PRKN: variants seen among roughly 807,000 people sequenced by gnomAD.
PRKN encodes the protein E3 ubiquitin-protein ligase parkin.
In PRKN, 56 loss-of-function variants were observed where a neutral mutation model predicts 59.5. The observed-to-expected ratio is 0.94, with a 90% confidence interval of 0.76 to 1.18. The LOEUF (loss-of-function observed/expected upper bound fraction) is 1.18, where lower values mean the gene tolerates loss of function less well. Among genes scored for constraint, PRKN ranks in the 50% most tolerant of loss-of-function variants. The pLI, the probability that PRKN is intolerant of heterozygous loss-of-function variation, is 0.00. For missense variants in PRKN, 657 were observed against 596.4 expected (o/e 1.10, Z -1.06); for synonymous variants, 250 against 222.1 (o/e 1.13, Z -1.12).
At chr6:162,426,536 T>C (rs1562756346) in intron 2 of PRKN, among the ~76,000 whole-genome samples, 1 of 152,234 alleles carries the variant, frequency 6.6e-6, no homozygotes. Context: ...CTACAACCTC[T>C]GCCTCCTGGG....
chr6:161,396,440 T>C lies in PRKN; in HGVS notation c.1084-9563A>G, dbSNP rs1786763146. The stretch of plus-strand genomic sequence containing the variant: ...GCATTTCTCAGACCTTATGGAGCAG[T>C]TGGCTCCTTCTAGAACTGGAGCACT... On this transcript the variant is annotated intron_variant, in intron 9 of 11. Coordinates refer to ENST00000366898, the MANE Select transcript of PRKN (RefSeq NM_004562.3). This position sits in a 1 kb window ranked among gnomAD's most constrained non-coding sequence, Gnocchi z 5.4. Among the ~76,000 whole-genome samples, 1 of 152,190 alleles carries C rather than the reference T, an allele frequency of 6.6e-6. No homozygotes were observed. Among genetic ancestry groups the C allele is most frequent in the South Asian group, 2.1e-4 (1 of 4,836 alleles).
chr6:161,948,032 C>G (rs143499806), intron 6 of PRKN, among the ~76,000 whole-genome samples: 44 of 152,186 alleles, frequency 2.9e-4, no homozygotes, highest in Non-Finnish European at 4.4e-4. Context: ...GTTGCCCAGG[C>G]TGGAGTGCAA....
At chr6:162,093,303 C>T (rs750557405) in intron 4 of PRKN, among the ~76,000 whole-genome samples, 9 of 152,172 alleles carry the variant, frequency 5.9e-5, no homozygotes, top group Non-Finnish European at 1.3e-4. Context: ...TTATTAGCTG[C>T]ACTTCCTCTT....
rs746375717 is a variant in PRKN at position 162,443,294 on chromosome 6, G to A, written c.171+16C>T. 4.5e-5 allele frequency: 72 copies of A among 1,611,840 alleles called. No homozygotes were observed. The highest frequency in any genetic ancestry group is 2.2e-4 in the Middle Eastern group (1 of 4,476). The stretch of plus-strand genomic sequence containing the variant: ...AGCTGGCGGCATCCCAAGAACGGCC[G>A]CCAAGGGAGACTCACCTGCACAGTC... On this transcript the variant is annotated intron_variant, in intron 2 of 11. Coordinates refer to ENST00000366898, the MANE Select transcript of PRKN (RefSeq NM_004562.3).
In PRKN at chr6:162,727,712, G is replaced by A. The variant is rs770057490; in HGVS notation, c.-44C>T. 2.6e-6 allele frequency: 4 copies of A among 1,551,114 alleles called. No homozygotes were observed. Among genetic ancestry groups the A allele is most frequent in the South Asian group, 1.2e-5 (1 of 84,342 alleles). On this transcript the variant is annotated 5_prime_UTR_variant, in exon 1 of 12. Coordinates refer to ENST00000366898, the MANE Select transcript of PRKN (RefSeq NM_004562.3). ...GGCTGCGGGCCAGGAACAGGCCCAT[G>A]CGCGCAGCGGCGCCAGCCGCGCCTC...
intron 9 of PRKN, among the ~76,000 whole-genome samples, chr6:161,520,856 G>A (rs936547947): frequency 2.0e-5 from 3 of 152,116 alleles, no homozygotes; most frequent in African/African-American, 4.8e-5. Flanking sequence ...AAGAAACTCC[G>A]CATAGTCATC....
chr6:162,323,492 C>T (rs891351483), intron 2 of PRKN, among the ~76,000 whole-genome samples: 7 of 151,626 alleles, frequency 4.6e-5, no homozygotes, highest in Non-Finnish European at 1.0e-4. Context: ...TCTTGCAAAT[C>T]ACATATTTGA....
chr6:161,478,634 C>T (rs1791240837), intron 9 of PRKN, among the ~76,000 whole-genome samples: 1 of 152,096 alleles, frequency 6.6e-6, no homozygotes, highest in Non-Finnish European at 1.5e-5. Context: ...CATGTGAGTC[C>T]AGGGGTTTGA....
At chr6:162,449,592 ATT>A (rs1286207186) in intron 1 of PRKN, among the ~76,000 whole-genome samples, 1 of 151,438 alleles carries the variant, frequency 6.6e-6, no homozygotes, top group Non-Finnish European at 1.5e-5. Context: ...ATTTATTTTT[ATT>A]TTTATAACTA....
At chr6:161,923,823 C>T (rs558186146) in intron 6 of PRKN, among the ~76,000 whole-genome samples, 1 of 152,098 alleles carries the variant, frequency 6.6e-6, no homozygotes, top group Non-Finnish European at 1.5e-5. Flanking sequence ...ATGGAACTTG[C>T]GAGACCCTTC....
rs141822211 is a variant in PRKN at position 162,656,107 on chromosome 6, G to A, written c.7+71555C>T. 2.2e-3 allele frequency among the ~76,000 whole-genome samples: 331 copies of A among 152,232 alleles called. 2 individuals are homozygous for A. The highest frequency in any genetic ancestry group is 7.6e-3 in the African/African-American group (317 of 41,538). On this transcript the variant is annotated intron_variant, in intron 1 of 11. Coordinates refer to ENST00000366898, the MANE Select transcript of PRKN (RefSeq NM_004562.3). ...TTCAAGGACTAAATGGCACAAAGTA[G>A]AGCGTACATTTACAACAGTACCAAG...
chr6:161,982,838 G>C (rs1295723503), intron 5 of PRKN, among the ~76,000 whole-genome samples: 1 of 69,874 alleles, frequency 1.4e-5, no homozygotes, highest in Non-Finnish European at 2.6e-5. Context: ...TCAGGACATA[G>C]GCGTGGGCAA....
At chr6:162,093,348 C>T (rs1424520948) in intron 4 of PRKN, among the ~76,000 whole-genome samples, 1 of 152,174 alleles carries the variant, frequency 6.6e-6, no homozygotes, top group African/African-American at 2.4e-5. Context: ...CATCACGCTC[C>T]TCATGGGGCA....
rs1281443894 is a variant in PRKN, at chr6:161,371,715, T to G, written c.1168-11510A>C. Among the ~76,000 whole-genome samples, 2 of 152,192 alleles carry G rather than the reference T, an allele frequency of 1.3e-5. No individual in the cohort carries two copies. The highest frequency in any genetic ancestry group is 2.9e-5 in the Non-Finnish European group (2 of 68,044). On this transcript the variant is annotated intron_variant, in intron 10 of 11. Transcript: ENST00000366898. The surrounding 1 kb of genome is among the most constrained non-coding windows in gnomAD (Gnocchi z 5.5). Reference sequence around the variant, plus strand: ...GTGCAATGACACAATCTCGGCTCACTACAACCTCCACCTCCTGGGTTCAAG... The same window carrying G: ...GTGCAATGACACAATCTCGGCTCACGACAACCTCCACCTCCTGGGTTCAAG...
At chr6:161,522,026 G>A (rs1206797410) in intron 9 of PRKN, among the ~76,000 whole-genome samples, 1 of 152,164 alleles carries the variant, frequency 6.6e-6, no homozygotes, top group African/African-American at 2.4e-5. Flanking sequence ...GGGGCTGGGA[G>A]GGGTGGCAGA....
chr6:162,096,848 A>ATTTTTTTTTTTTTTTTTT lies in PRKN; in HGVS notation c.535-42692_535-42675dup, dbSNP rs71004079. Among the ~76,000 whole-genome samples, 7 of 49,180 alleles carry ATTTTTTTTTTTTTTTTTT rather than the reference A, an allele frequency of 1.4e-4. 1 individual carries two copies. Among genetic ancestry groups the ATTTTTTTTTTTTTTTTTT allele is most frequent in the African/African-American group, 5.3e-4 (6 of 11,224 alleles). The allele number at this position is 49,180 out of a possible 152,430, so 32.3% of individuals were successfully genotyped here. A position where few individuals can be genotyped will look rare whatever the true frequency, so the allele number is the denominator to read the frequency against. ...GTGAGAATGGACTCATACAGCTGGA[A>ATTTTTTTTTTTTTTTTTT]TTTTTTTTTTTTTTTTTTTTTTTTT... On this transcript the variant is annotated intron_variant, in intron 4 of 11. Transcript: ENST00000366898.
chr6:161,910,026 G>A (rs1396166741), intron 6 of PRKN, among the ~76,000 whole-genome samples: 3 of 152,150 alleles, frequency 2.0e-5, no homozygotes, highest in Non-Finnish European at 2.9e-5. Context: ...AGATGCTGAC[G>A]CTAGCCCTCA....
chr6:162,156,960 C>T (rs1297544335), intron 4 of PRKN, among the ~76,000 whole-genome samples: 1 of 150,784 alleles, frequency 6.6e-6, no homozygotes, highest in East Asian at 2.0e-4. Context: ...AGCATTTCCC[C>T]ATTGCAAATC....
chr6:161,819,169 A>G (rs958788338), intron 6 of PRKN, among the ~76,000 whole-genome samples: 5 of 152,172 alleles, frequency 3.3e-5, no homozygotes, highest in African/African-American at 1.2e-4. Flanking sequence ...TAAAGGGGAT[A>G]CATAGGTAGA....
Sources: gnomAD v4.1 joint callset for allele counts (sites outside exome capture counted in the v4.1 genomes callset) on GRCh38, gnomAD v4.1.1 for gene constraint, Gnocchi (gnomAD v3.1) non-coding constraint, MANE v1.5 for transcripts, NCBI Gene and HGNC (gene_info 2026-07-23, HGNC 2026-07-21) for gene names.